The following UBE2E2 variants were observed in gnomAD, a reference collection of about 807,000 sequenced individuals.
The protein encoded by UBE2E2 is ubiquitin-conjugating enzyme E2 E2.
A neutral mutation model predicts 24.7 loss-of-function variants in UBE2E2; 6 were observed. The observed-to-expected ratio is 0.24, with a 90% CI of 0.13 to 0.48. The LOEUF (loss-of-function observed/expected upper bound fraction) is 0.48. Ranked by LOEUF, UBE2E2 falls within the 20% of genes least tolerant of loss-of-function variation. The probability of loss-of-function intolerance (pLI) is 0.99; values close to 1 mark genes in which losing one functional copy is unlikely to be tolerated. For missense variants in UBE2E2, 169 were observed against 245.0 expected, an observed-to-expected ratio of 0.69 and a Z score of 2.07; for synonymous variants, 104 against 83.6, an observed-to-expected ratio of 1.24 and a Z score of -1.33.
At chr3:23,344,102 T>C (rs897782372) in intron 3 of UBE2E2, among the ~76,000 whole-genome samples, 9 of 152,200 alleles carry the variant, frequency 5.9e-5, no homozygotes, top group Non-Finnish European at 1.0e-4. Flanking sequence ...AATTAGCTAC[T>C]TTGATTTGAT....
chr3:23,506,284 T>A (rs1694453658), intron 4 of UBE2E2, among the ~76,000 whole-genome samples: 1 of 152,184 alleles, frequency 6.6e-6, no homozygotes, highest in African/African-American at 2.4e-5. Context: ...ACATCTCTAG[T>A]TGAACATCCA....
At chr3:23,462,266 C>A (rs1007605957) in intron 3 of UBE2E2, among the ~76,000 whole-genome samples, 3 of 152,006 alleles carry the variant, frequency 2.0e-5, no homozygotes, top group Non-Finnish European at 2.9e-5. Flanking sequence ...TAGCTAGTAT[C>A]AAGAACACTT....
chr3:23,322,012 A>T (rs1694751986), intron 3 of UBE2E2, among the ~76,000 whole-genome samples: 1 of 152,184 alleles, frequency 6.6e-6, no homozygotes, highest in African/African-American at 2.4e-5. Flanking sequence ...ATCCTTTGTC[A>T]TAAAAATAGA....
At chr3:23,537,889 T>C (rs770926266) in intron 5 of UBE2E2, among the ~76,000 whole-genome samples, 58 of 152,148 alleles carry the variant, frequency 3.8e-4, no homozygotes, top group Non-Finnish European at 6.8e-4. Flanking sequence ...ACATTTATAT[T>C]TGTGTAGATT....
At chr3:23,227,967 C>G (rs1341904021) in intron 3 of UBE2E2, among the ~76,000 whole-genome samples, 1 of 152,168 alleles carries the variant, frequency 6.6e-6, no homozygotes, top group Non-Finnish European at 1.5e-5. Context: ...ACCTGAGGTA[C>G]AACCAATATA....
At chr3:23,518,395 C>A (rs1694790018) in intron 4 of UBE2E2, among the ~76,000 whole-genome samples, 1 of 152,176 alleles carries the variant, frequency 6.6e-6, no homozygotes, top group Non-Finnish European at 1.5e-5. Context: ...TAAGATATTC[C>A]TCATAATACT....
chr3:23,210,860 C>T (rs982717264), intron 2 of UBE2E2, among the ~76,000 whole-genome samples: 20 of 152,220 alleles, frequency 1.3e-4, no homozygotes, highest in Admixed American at 3.9e-4. Flanking sequence ...AGTTGGTTTT[C>T]GGGTGACAGT....
intron 3 of UBE2E2, among the ~76,000 whole-genome samples, chr3:23,425,739 C>T (rs1210056844): frequency 6.6e-6 from 1 of 152,140 alleles, no homozygotes; most frequent in East Asian, 1.9e-4. Context: ...GAGACCTAAT[C>T]ATAGGACTAT....
In UBE2E2 at chr3:23,542,079, A is replaced by G. The variant is rs1695406960; in HGVS notation, c.508+9378A>G. On this transcript the variant is annotated intron_variant, in intron 5 of 5. Transcript: ENST00000396703. Reference sequence around the variant, plus strand: ...TATATTTTTATAAGAAAAACTCTAGAAAAGAGTTCAGCTTACAATGCATGA... The same window carrying G: ...TATATTTTTATAAGAAAAACTCTAGGAAAGAGTTCAGCTTACAATGCATGA... Among the ~76,000 whole-genome samples, 6 of 152,218 alleles carry G rather than the reference A, an allele frequency of 3.9e-5. No homozygotes were observed. In the South Asian group the frequency reaches 1.2e-3, roughly 32 times the overall value.
intron 5 of UBE2E2, among the ~76,000 whole-genome samples, chr3:23,539,346 T>C (rs1437960088): frequency 2.0e-5 from 3 of 152,240 alleles, no homozygotes; most frequent in African/African-American, 7.2e-5. Context: ...AACTTAAATA[T>C]ACGTCCTTTG....
intron 4 of UBE2E2, among the ~76,000 whole-genome samples, chr3:23,513,034 T>C (rs569801584): frequency 1.2e-4 from 18 of 152,222 alleles, no homozygotes; most frequent in Admixed American, 2.6e-4. Flanking sequence ...TGGCCACTAA[T>C]GCATTTTAAA....
At chr3:23,531,748 T>C (rs1342034412) in intron 4 of UBE2E2, among the ~76,000 whole-genome samples, 1 of 152,338 alleles carries the variant, frequency 6.6e-6, no homozygotes, top group East Asian at 1.9e-4. Context: ...TTTATATAAA[T>C]GCCTTAGTTT....
intron 3 of UBE2E2, among the ~76,000 whole-genome samples, chr3:23,453,891 G>A (rs1008513593): frequency 3.9e-5 from 6 of 152,128 alleles, no homozygotes; most frequent in Non-Finnish European, 5.9e-5. Flanking sequence ...TTATAGTGGT[G>A]CTAGTTACCT....
chr3:23,447,095 A>T (rs3104244), intron 3 of UBE2E2, among the ~76,000 whole-genome samples: 1 of 151,388 alleles, frequency 6.6e-6, no homozygotes, highest in South Asian at 2.1e-4. Context: ...TATGTTACTA[A>T]ATGATGTGCA....
rs114687593 is a variant in UBE2E2, at chr3:23,456,223, A to G, written c.228-43385A>G. On this transcript the variant is annotated intron_variant, in intron 3 of 5. Coordinates refer to ENST00000396703, the MANE Select transcript of UBE2E2 (RefSeq NM_152653.4). ...TAATTCTAGTTCTCTTGCTATTTCT[A>G]CCATCTTTGCAGTTACTTCCTCCAT... 7.2e-3 allele frequency among the ~76,000 whole-genome samples: 1,104 copies of G among 152,300 alleles called. 7 individuals carry two copies. The highest frequency in any genetic ancestry group is 0.024 in the African/African-American group (1,013 of 41,574).
chr3:23,223,253 C>T (rs1296297010), intron 3 of UBE2E2, among the ~76,000 whole-genome samples: 1 of 150,036 alleles, frequency 6.7e-6, no homozygotes, highest in Non-Finnish European at 1.5e-5. Context: ...AGTGCAGTGG[C>T]ATGATCTTGG....
chr3:23,505,020 G>A (rs971787678), intron 4 of UBE2E2, among the ~76,000 whole-genome samples: 5 of 147,988 alleles, frequency 3.4e-5, no homozygotes, highest in African/African-American at 5.0e-5. Context: ...ATCCTTTCAC[G>A]TCAGCCTCCC....
chr3:23,428,052 A>G (rs79939956), intron 3 of UBE2E2, among the ~76,000 whole-genome samples: 3,229 of 152,306 alleles, frequency 0.021, 87 homozygotes, highest in East Asian at 0.13. Flanking sequence ...CCTCAACAGA[A>G]TCATCAGTCA....
chr3:23,308,325 A>G (rs1002412897), intron 3 of UBE2E2, among the ~76,000 whole-genome samples: 6 of 152,322 alleles, frequency 3.9e-5, no homozygotes, highest in Middle Eastern at 3.4e-3. Context: ...GATGACAGAC[A>G]TGAGTTCTCC....
Sources: gnomAD v4.1 joint callset for allele counts (sites outside exome capture counted in the v4.1 genomes callset) on GRCh38, gnomAD v4.1.1 for gene constraint, MANE v1.5 for transcripts, NCBI Gene and HGNC (gene_info 2026-07-23, HGNC 2026-07-21) for gene names.